The following MEI4 variants were observed in gnomAD, a reference collection of about 807,000 sequenced individuals.
MEI4 encodes the protein meiotic double-stranded break formation protein 4.
A neutral mutation model predicts 31.4 loss-of-function variants in MEI4; 27 were observed. That is an observed-to-expected ratio of 0.86 (90% CI 0.63 to 1.19). MEI4 has a LOEUF of 1.19. Among genes scored for constraint, MEI4 ranks in the 50% most tolerant of loss-of-function variants. MEI4 has a pLI of 0.00. For missense variants in MEI4, 329 were observed against 398.9 expected (o/e 0.82, Z 1.49); for synonymous variants, 122 against 145.4 (o/e 0.84, Z 1.16).
intron 4 of MEI4, among the ~76,000 whole-genome samples, chr6:77,866,107 A>T (rs559932411): frequency 3.3e-5 from 5 of 151,112 alleles, no homozygotes; most frequent in African/African-American, 1.2e-4. Flanking sequence ...TCTATGACAA[A>T]CCCACAGCCA....
intron 4 of MEI4, among the ~76,000 whole-genome samples, chr6:77,902,934 C>T (rs34123400): frequency 0.12 from 18,259 of 152,070 alleles, 1,275 homozygotes; most frequent in South Asian, 0.18. Context: ...GGCTGTGTCA[C>T]GGATGCATGT....
chr6:77,838,594 A>T, intron 4 of MEI4, among the ~76,000 whole-genome samples: 1 of 152,160 alleles, frequency 6.6e-6, no homozygotes, highest in East Asian at 1.9e-4. Flanking sequence ...AAATAATTTG[A>T]AAATAAATAT....
chr6:77,856,008 T>C, intron 4 of MEI4, among the ~76,000 whole-genome samples: 1 of 152,048 alleles, frequency 6.6e-6, no homozygotes, highest in Admixed American at 6.6e-5. Context: ...AAATTGCTGG[T>C]TTTCTCCTAA....
At chr6:77,662,019 A>C (rs1456668931) in intron 1 of MEI4, among the ~76,000 whole-genome samples, 1 of 152,180 alleles carries the variant, frequency 6.6e-6, no homozygotes, top group Non-Finnish European at 1.5e-5. Flanking sequence ...GTTTTTATTG[A>C]AGAGGCATTA....
At chr6:77,813,499 ATTCTT>A (rs1442758304) in intron 3 of MEI4, among the ~76,000 whole-genome samples, 1 of 122,764 alleles carries the variant, frequency 8.1e-6, no homozygotes, top group African/African-American at 4.0e-5. Context: ...TCTTCAGGAC[ATTCTT>A]TTTTTTTTTT....
intron 4 of MEI4, among the ~76,000 whole-genome samples, chr6:77,862,764 G>C (rs924418829): frequency 1.3e-5 from 2 of 152,322 alleles, no homozygotes; most frequent in East Asian, 3.9e-4. Flanking sequence ...TCTGAGAACG[G>C]ACAGACGGCC....
chr6:77,872,134 C>A (rs1562020570), intron 4 of MEI4, among the ~76,000 whole-genome samples: 1 of 152,140 alleles, frequency 6.6e-6, no homozygotes, highest in Non-Finnish European at 1.5e-5. Context: ...GCAGTGTTCC[C>A]AGGCCACCGT....
At chr6:77,896,183 C>T (rs914945322) in intron 4 of MEI4, among the ~76,000 whole-genome samples, 2 of 152,062 alleles carry the variant, frequency 1.3e-5, no homozygotes, top group African/African-American at 4.8e-5. Context: ...CAGAGGAATG[C>T]AAGCTCTATC....
chr6:77,693,984 G>C lies in MEI4; in HGVS notation c.232+3081G>C, dbSNP rs137998116. Among the ~76,000 whole-genome samples, 213 of 152,202 alleles carry C rather than the reference G, an allele frequency of 1.4e-3. 1 individual carries two copies. The highest frequency in any genetic ancestry group is 4.5e-3 in the African/African-American group (187 of 41,548). On this transcript the variant is annotated intron_variant, in intron 2 of 4. Transcript: ENST00000684080. ...GAGAGGATGGGGAATTCAGTTTACA[G>C]CATCAACTATTCATTGAAGCAACTG...
rs1174582357 is a variant in MEI4, at chr6:77,733,294, A to G, written c.233-27836A>G. Among the ~76,000 whole-genome samples, 5 of 152,002 alleles carry G rather than the reference A, an allele frequency of 3.3e-5. No homozygotes were observed. The East Asian group carries it at 9.7e-4, about 29-fold the overall frequency. On this transcript the variant is annotated intron_variant, in intron 2 of 4. Transcript: ENST00000684080. Reference sequence around the variant, plus strand: ...GGTTGGTAAGCTATTGATTACTGCCACAATTTCAGATCCTGTTATTGGTCT... The same window carrying G: ...GGTTGGTAAGCTATTGATTACTGCCGCAATTTCAGATCCTGTTATTGGTCT...
intron 3 of MEI4, among the ~76,000 whole-genome samples, chr6:77,804,263 A>T (rs1396544914): frequency 6.6e-6 from 1 of 152,066 alleles, no homozygotes; most frequent in African/African-American, 2.4e-5. Context: ...CATGTACGGG[A>T]TATAATCTCC....
intron 3 of MEI4, among the ~76,000 whole-genome samples, chr6:77,782,085 C>A (rs144776278): frequency 3.1e-4 from 47 of 152,150 alleles, no homozygotes; most frequent in African/African-American, 1.0e-3. Context: ...TCTGAGAAGT[C>A]ACAGGTCACT....
chr6:77,905,434 C>A (rs1390173440), intron 4 of MEI4, among the ~76,000 whole-genome samples: 2 of 145,310 alleles, frequency 1.4e-5, no homozygotes, highest in African/African-American at 5.0e-5. Flanking sequence ...ATTTATATAT[C>A]AGAAAATTTA....
At chr6:77,701,034 G>T (rs1258981642) in intron 2 of MEI4, among the ~76,000 whole-genome samples, 1 of 152,350 alleles carries the variant, frequency 6.6e-6, no homozygotes. Flanking sequence ...TTTGTGATGT[G>T]TGGCAGGTAT....
At chr6:77,871,617 G>A (rs1771194951) in intron 4 of MEI4, among the ~76,000 whole-genome samples, 1 of 152,030 alleles carries the variant, frequency 6.6e-6, no homozygotes, top group African/African-American at 2.4e-5. Flanking sequence ...ATGGGTGACA[G>A]GATCATTTGT....
intron 2 of MEI4, among the ~76,000 whole-genome samples, chr6:77,694,178 A>G (rs570439890): frequency 5.9e-5 from 9 of 152,126 alleles, no homozygotes; most frequent in African/African-American, 2.2e-4. Flanking sequence ...TATGCTAAAC[A>G]TTATTTGTTG....
intron 3 of MEI4, among the ~76,000 whole-genome samples, chr6:77,817,290 G>A (rs1769711383): frequency 6.6e-6 from 1 of 152,136 alleles, no homozygotes; most frequent in South Asian, 2.1e-4. Context: ...TCACAAGCAT[G>A]CATGGTACTG....
chr6:77,716,617 A>C (rs1255021818), intron 2 of MEI4, among the ~76,000 whole-genome samples: 1 of 152,194 alleles, frequency 6.6e-6, no homozygotes, highest in Non-Finnish European at 1.5e-5. Flanking sequence ...GGGCAAGGGT[A>C]GTATCAGTCG....
chr6:77,729,823 T>C (rs16889371), intron 2 of MEI4, among the ~76,000 whole-genome samples: 14,364 of 152,192 alleles, frequency 0.094, 811 homozygotes, highest in South Asian at 0.18. Context: ...TATGATAATA[T>C]AAGTTAAGGA....
Sources: gnomAD v4.1 joint callset for allele counts (sites outside exome capture counted in the v4.1 genomes callset) on GRCh38, gnomAD v4.1.1 for gene constraint, MANE v1.5 for transcripts, NCBI Gene and HGNC (gene_info 2026-07-23, HGNC 2026-07-21) for gene names.